SLC7A5: variants seen among roughly 807,000 people sequenced by gnomAD.
SLC7A5 encodes the protein large neutral amino acids transporter small subunit 1.
A neutral mutation model predicts 50.2 loss-of-function variants in SLC7A5; 23 were observed. The ratio of observed to expected loss-of-function variants is 0.46; its 90% CI spans 0.33 to 0.65. The LOEUF (loss-of-function observed/expected upper bound fraction) is 0.65. SLC7A5 is among the 30% of genes least tolerant of loss of function. The probability of loss-of-function intolerance (pLI) is 0.02; values close to 1 mark genes in which losing one functional copy is unlikely to be tolerated. For missense variants in SLC7A5, 578 were observed against 684.4 expected (o/e 0.84, Z 1.73); for synonymous variants, 393 against 330.6 (o/e 1.19, Z -2.05).
Position 87,841,219 on chromosome 16 carries a change from T to C in SLC7A5, c.665-64A>G. On this transcript the variant is annotated intron_variant, in intron 2 of 9. Coordinates refer to ENST00000261622, the MANE Select transcript of SLC7A5 (RefSeq NM_003486.7). This position sits in a 1 kb window ranked among gnomAD's most constrained non-coding sequence, Gnocchi z 4.8. Reference sequence around the variant, plus strand: ...GCTGAACAGAGGTCATGCTACCAGTTCTAGAATGTTCCTGGAGCAAAATAC... The same window carrying C: ...GCTGAACAGAGGTCATGCTACCAGTCCTAGAATGTTCCTGGAGCAAAATAC... 9.1e-7 allele frequency: 1 copy of C among 1,100,328 alleles called. No individual in the cohort carries two copies. The highest frequency in any genetic ancestry group is 1.4e-6 in the Non-Finnish European group (1 of 713,688). The allele number at this position is 1,100,328 out of a possible 1,614,324, so 68.2% of individuals were successfully genotyped here.
Position 87,831,344 on chromosome 16 carries a change from G to C in SLC7A5, c.*1626C>G, listed in dbSNP as rs533420288. Reference sequence around the variant, plus strand: ...CTCAAGCAAGAGAGACGGACATCTGGTCCTGAGTCCCCAAACTGTTCATCA... The same window carrying C: ...CTCAAGCAAGAGAGACGGACATCTGCTCCTGAGTCCCCAAACTGTTCATCA... On this transcript the variant is annotated 3_prime_UTR_variant, in exon 10 of 10. Transcript: ENST00000261622. 2.0e-5 allele frequency: 3 copies of C among 152,424 alleles called. No individual in the cohort carries two copies. The highest frequency in any genetic ancestry group is 7.2e-5 in the African/African-American group (3 of 41,582). The allele number at this position is 152,424 out of a possible 1,614,324, so 9.4% of individuals were successfully genotyped here. A position where few individuals can be genotyped will look rare whatever the true frequency, so the allele number is the denominator to read the frequency against.
chr16:87,868,798 A>G, intron 1 of SLC7A5, 87 bp downstream of exon 1: 1 of 1,327,868 alleles, frequency 7.5e-7, no homozygotes, highest in Non-Finnish European at 1.1e-6. Context: ...AGATGTAGAG[A>G]TGTGGGAGCC....
chr16:87,863,986 A>AAAATATATATATATATATAT (rs376938738), intron 1 of SLC7A5, among the ~76,000 whole-genome samples: 139 of 83,262 alleles, frequency 1.7e-3, no homozygotes, highest in Non-Finnish European at 1.9e-3. Context: ...ATCATTTAAA[A>AAAATATATATATATATATAT]ATATATATAT....
rs746247550 is a variant in SLC7A5 at position 87,869,297 on chromosome 16, C to T, written c.126G>A (p.Glu42=). ...ADGSAPAGEG[E]GVTLQRNITL... ...TGATGTTCCGCTGCAGGGTCACGCC[C>T]TCGCCCTCGCCTGCCGGCGCCGAGC... is the stretch of plus-strand genomic sequence containing the variant. Residue 42 remains glutamate (E), a synonymous_variant, in exon 1 of 10, where the codon GAG becomes GAA. Coordinates refer to ENST00000261622, the MANE Select transcript of SLC7A5 (RefSeq NM_003486.7). 3 of 1,611,472 alleles carry T rather than the reference C, an allele frequency of 1.9e-6. No homozygotes were observed. The highest frequency in any genetic ancestry group is 2.2e-5 in the East Asian group (1 of 44,876).
chr16:87,849,143 C>T (rs558751964), intron 2 of SLC7A5, among the ~76,000 whole-genome samples: 6 of 152,218 alleles, frequency 3.9e-5, no homozygotes, highest in African/African-American at 1.4e-4. Flanking sequence ...AAATTGAGGC[C>T]GGAGTCTCTG....
chr16:87,845,623 G>C (rs556575479), intron 2 of SLC7A5, among the ~76,000 whole-genome samples: 2 of 152,340 alleles, frequency 1.3e-5, no homozygotes, highest in African/African-American at 2.4e-5. Flanking sequence ...TGGGAACCGT[G>C]ATGGGGCAGG....
At position 87,832,695 on chromosome 16, in the gene SLC7A5, TA is replaced by T. The variant is rs2054948351; in HGVS notation, c.*274del. 3.7e-6 allele frequency: 1 copy of T among 270,138 alleles called. No individual in the cohort carries two copies. Among genetic ancestry groups the T allele is most frequent in the Admixed American group, 4.8e-5 (1 of 20,914 alleles). The allele number at this position is 270,138 out of a possible 1,614,324, so 16.7% of individuals were successfully genotyped here. ...AGTTTAAAAAAAATATATATATAAG[TA>T]AACAAAGGAGGGAAGGGAAAAAGGG... On this transcript the variant is annotated 3_prime_UTR_variant, in exon 10 of 10. Coordinates refer to ENST00000261622, the MANE Select transcript of SLC7A5 (RefSeq NM_003486.7). The surrounding 1 kb of genome is among the most constrained non-coding windows in gnomAD (Gnocchi z 4.6).
intron 1 of SLC7A5, among the ~76,000 whole-genome samples, chr16:87,857,863 C>G (rs2055340826): frequency 6.6e-6 from 1 of 152,230 alleles, no homozygotes; most frequent in South Asian, 2.1e-4. Context: ...CCACACTGTC[C>G]TGGCTGGCAC....
intron 2 of SLC7A5, among the ~76,000 whole-genome samples, chr16:87,846,235 T>C (rs1352840030): frequency 1.3e-5 from 2 of 152,212 alleles, no homozygotes; most frequent in Admixed American, 6.5e-5. Flanking sequence ...ACCCTGAGAC[T>C]GTCTGAGATG....
rs535618204 is a variant in SLC7A5 at position 87,861,947 on chromosome 16, G to A, written c.538+6938C>T. Reference sequence around the variant, plus strand: ...ATTTCAGCACTAATCACTGGCTGCCGCCTGCAATGAGCCCACGGCTTGAGC... The same window carrying A: ...ATTTCAGCACTAATCACTGGCTGCCACCTGCAATGAGCCCACGGCTTGAGC... On this transcript the variant is annotated intron_variant, in intron 1 of 9. Coordinates refer to ENST00000261622, the MANE Select transcript of SLC7A5 (RefSeq NM_003486.7). This position sits in a 1 kb window ranked among gnomAD's most constrained non-coding sequence, Gnocchi z 4.2. Among the ~76,000 whole-genome samples the A allele has an allele frequency of 3.9e-5, 6 of 152,320 alleles. No individual in the cohort carries two copies. Among genetic ancestry groups the A allele is most frequent in the Non-Finnish European group, 8.8e-5 (6 of 68,032 alleles).
At position 87,869,115 on chromosome 16, in the gene SLC7A5, T is replaced by C; in HGVS notation, c.308A>G (p.Tyr103Cys). ...GVFSIVGALC[Y>C]AELGTTISKS... ...GGAGATGGTGGTGCCGAGCTCCGCG[T>C]AGCAGAGCGCGCCCACGATGGAGAA... Residue 103 changes from tyrosine to cysteine, a missense_variant, in exon 1 of 10, where the codon TAC (tyrosine) becomes TGC (cysteine). Tyr to Cys is a radical substitution (Grantham distance 194). Transcript: ENST00000261622. The C allele has an allele frequency of 6.2e-7, 1 of 1,611,852 alleles. No homozygotes were observed. Among genetic ancestry groups the C allele is most frequent in the Non-Finnish European group, 8.5e-7 (1 of 1,179,770 alleles).
In SLC7A5 at chr16:87,868,982, G is replaced by A. The variant is rs767842751; in HGVS notation, c.441C>T (p.Ile147=). The A allele has an allele frequency of 2.5e-6, 4 of 1,611,350 alleles. No individual in the cohort carries two copies. The highest frequency in any genetic ancestry group is 3.4e-6 in the Non-Finnish European group (4 of 1,179,664). ...LLIIRPSSQY[I]VALVFATYLL... is the part of the protein sequence containing the mutation. Reference sequence around the variant, plus strand: ...GGTAGGTGGCGAAGACCAGGGCCACGATGTACTGCGATGAAGGCCGGATGA... The same window carrying A: ...GGTAGGTGGCGAAGACCAGGGCCACAATGTACTGCGATGAAGGCCGGATGA... Residue 147 remains isoleucine, a synonymous_variant, in exon 1 of 10, where the codon ATC becomes ATT. Coordinates refer to ENST00000261622, the MANE Select transcript of SLC7A5 (RefSeq NM_003486.7).
intron 1 of SLC7A5, among the ~76,000 whole-genome samples, chr16:87,866,409 C>G (rs918495075): frequency 2.0e-5 from 3 of 152,184 alleles, no homozygotes; most frequent in Admixed American, 2.0e-4. Context: ...TCAAGCAGTT[C>G]TCCTGCCTCA....
At chr16:87,843,319 G>A (rs2055105826) in intron 2 of SLC7A5, among the ~76,000 whole-genome samples, 1 of 137,644 alleles carries the variant, frequency 7.3e-6, no homozygotes. Context: ...TCAGGAGCCA[G>A]ATATTGGCAG....
intron 8 of SLC7A5, among the ~76,000 whole-genome samples, chr16:87,835,138 G>C (rs887075234): frequency 1.3e-5 from 2 of 152,262 alleles, no homozygotes; most frequent in Non-Finnish European, 2.9e-5. Context: ...GCATGGCTGG[G>C]GGATTGACTC....
At chr16:87,857,717 G>T (rs1194560025) in intron 1 of SLC7A5, among the ~76,000 whole-genome samples, 2 of 152,252 alleles carry the variant, frequency 1.3e-5, no homozygotes, top group African/African-American at 4.8e-5. Flanking sequence ...CCACCTGTCT[G>T]CTCAGTGTTG....
At chr16:87,834,025 TG>T (rs1203043872) in intron 9 of SLC7A5, among the ~76,000 whole-genome samples, 5 of 152,036 alleles carry the variant, frequency 3.3e-5, no homozygotes, top group Non-Finnish European at 7.4e-5. Context: ...AGCTGATCTG[TG>T]TATTTTTAGT....
intron 2 of SLC7A5, among the ~76,000 whole-genome samples, chr16:87,842,869 G>GCCAAGACGCC (rs71391359): frequency 0.65 from 98,969 of 151,888 alleles, 33,667 homozygotes; most frequent in East Asian, 0.84. Flanking sequence ...CAGCACCTCG[G>GCCAAGACGCC]CACAGCCCCT....
Position 87,852,714 on chromosome 16 carries a change from A to C in SLC7A5, c.539-865T>G, listed in dbSNP as rs1404853073. Among the ~76,000 whole-genome samples, 20 of 141,530 alleles carry C rather than the reference A, an allele frequency of 1.4e-4. No individual in the cohort carries two copies. The highest frequency in any genetic ancestry group is 1.1e-3 in the Admixed American group (16 of 13,970). 92.8% of individuals were successfully genotyped at this position (141,530 alleles called of 152,430 possible). A position where few individuals can be genotyped will look rare whatever the true frequency, so the allele number is the denominator to read the frequency against. On this transcript the variant is annotated intron_variant, in intron 1 of 9. Coordinates refer to ENST00000261622, the MANE Select transcript of SLC7A5 (RefSeq NM_003486.7). This position sits in a 1 kb window ranked among gnomAD's most constrained non-coding sequence, Gnocchi z 4.5. ...GGGGGTTCTGTTGCAATATATAGGC[A>C]CGCTGAGCCACTGTGTGTGTGTGCG...
Sources: allele counts gnomAD v4.1 joint callset (sites outside exome capture counted in the v4.1 genomes callset), GRCh38; gene constraint gnomAD v4.1.1; non-coding constraint Gnocchi (gnomAD v3.1); transcripts MANE v1.5; gene names NCBI Gene and HGNC (gene_info 2026-07-23, HGNC 2026-07-21).